Variants in ABTB2 observed in about 807,000 individuals in gnomAD.
ABTB2 encodes ankyrin repeat and BTB domain containing 2.
ABTB2 carries 56 observed loss-of-function variants against 104.1 expected under a neutral mutation model. The observed-to-expected ratio is 0.54, with a 90% confidence interval of 0.43 to 0.67. ABTB2 has a LOEUF of 0.67. ABTB2 is among the 30% of genes least tolerant of loss of function. The pLI is 0.00. For missense variants in ABTB2, 1,279 were observed against 1,407.7 expected (o/e 0.91, Z 1.46); for synonymous variants, 606 against 608.2 (o/e 1.00, Z 0.05).
intron 1 of ABTB2, among the ~76,000 whole-genome samples, chr11:34,328,052 T>C (rs1855091302): frequency 6.6e-6 from 1 of 152,186 alleles, no homozygotes; most frequent in African/African-American, 2.4e-5. Flanking sequence ...CAACTCTGAC[T>C]CTGTCCAACT....
chr11:34,313,677 G>A (rs1278882213), intron 1 of ABTB2, among the ~76,000 whole-genome samples: 5 of 150,694 alleles, frequency 3.3e-5, no homozygotes, highest in Non-Finnish European at 7.4e-5. Flanking sequence ...TGGGAGAGAT[G>A]CCACTGGGAG....
Position 34,154,765 on chromosome 11 carries a change from A to G in ABTB2, c.2702T>C (p.Met901Thr). The change falls in exon 15 of 17, where the codon ATG becomes ACG. Residue 901 changes from methionine (M) to threonine (T), a missense_variant. By Grantham distance (81) the Met-to-Thr change is moderately conservative. Transcript: ENST00000435224. This position sits in a 1 kb window ranked among gnomAD's most constrained non-coding sequence, Gnocchi z 4.9. ...TCCTCCGTAGTACAGATACTGCATC[A>G]TCATCTGTGGTGGGAAGAGGCCCAT... ...SDMKYHIFQMMMQYLYYGGTE... is the reference protein window; with the variant it reads ...SDMKYHIFQMTMQYLYYGGTE... The G allele has an allele frequency of 6.2e-7, 1 of 1,614,092 alleles. No homozygotes were observed. Among genetic ancestry groups the G allele is most frequent in the Admixed American group, 1.7e-5 (1 of 60,018 alleles).
chr11:34,229,566 A>G (rs964080681), intron 1 of ABTB2, among the ~76,000 whole-genome samples: 1 of 152,144 alleles, frequency 6.6e-6, no homozygotes, highest in Non-Finnish European at 1.5e-5. Context: ...TTTCCTTAAA[A>G]CAAGTGCAAC....
intron 11 of ABTB2, among the ~76,000 whole-genome samples, chr11:34,160,659 A>ACGCG (rs548995014): frequency 1.6e-5 from 1 of 63,454 alleles, no homozygotes; most frequent in Non-Finnish European, 2.9e-5. Context: ...GCGAGCGTGC[A>ACGCG]CGCGCGCGCG....
intron 1 of ABTB2, chr11:34,335,744 C>G (rs376620314): frequency 1.4e-6 from 2 of 1,397,170 alleles, no homozygotes; most frequent in African/African-American, 1.4e-5. Context: ...TTCTGTGAAG[C>G]AGTCCCATTG....
At chr11:34,171,359 G>A (rs1432026903) in intron 4 of ABTB2, among the ~76,000 whole-genome samples, 1 of 152,194 alleles carries the variant, frequency 6.6e-6, no homozygotes, top group Non-Finnish European at 1.5e-5. Context: ...TGAATCACTT[G>A]AGGTCAGGAG....
chr11:34,160,149 C>T (rs527301061), intron 12 of ABTB2, 99 bp downstream of exon 12: 162 of 1,320,912 alleles, frequency 1.2e-4, no homozygotes, highest in Middle Eastern at 2.3e-4. Flanking sequence ...GGGGCCTTGG[C>T]GCTTGGAAAT....
At chr11:34,205,707 C>T (rs1207824698) in intron 1 of ABTB2, among the ~76,000 whole-genome samples, 1 of 152,050 alleles carries the variant, frequency 6.6e-6, no homozygotes, top group Admixed American at 6.5e-5. Flanking sequence ...GGGATGTGGC[C>T]AAGTCTGGGT....
chr11:34,320,573 G>A (rs574779926), intron 1 of ABTB2, among the ~76,000 whole-genome samples: 150 of 152,288 alleles, frequency 9.8e-4, no homozygotes, highest in Middle Eastern at 3.4e-3. Flanking sequence ...AAGCAAAGTA[G>A]AACTTGAAAG....
chr11:34,357,235 G>A lies in ABTB2; in HGVS notation c.349C>T (p.Leu117=). 6.7e-7 allele frequency: 1 copy of A among 1,501,762 alleles called. No homozygotes were observed. Among genetic ancestry groups the A allele is most frequent in the African/African-American group, 1.4e-5 (1 of 70,670 alleles). The allele number at this position is 1,501,762 out of a possible 1,614,324, so 93.0% of individuals were successfully genotyped here. A position where few individuals can be genotyped will look rare whatever the true frequency, so the allele number is the denominator to read the frequency against. ...ACCGCCTCGGCGGAGAACTGGGGCA[G>A]CCGCCGGCCGCCAGCGCCTTTGCGG... The part of the protein sequence containing the change: ...VLRKGAGGRR[L]PQFSAEAVRR... The change falls in exon 1 of 17, where the codon CTG becomes TTG. Residue 117 remains leucine, a synonymous_variant. Coordinates refer to ENST00000435224, the MANE Select transcript of ABTB2 (RefSeq NM_145804.3).
At chr11:34,233,312 C>T (rs1853797616) in intron 1 of ABTB2, among the ~76,000 whole-genome samples, 1 of 146,596 alleles carries the variant, frequency 6.8e-6, no homozygotes, top group Non-Finnish European at 1.5e-5. Flanking sequence ...AGGGAAATGG[C>T]ATGATCATGG....
intron 1 of ABTB2, among the ~76,000 whole-genome samples, chr11:34,277,208 A>G (rs1854392223): frequency 6.6e-6 from 1 of 152,174 alleles, no homozygotes; most frequent in African/African-American, 2.4e-5. Context: ...AGCCAGAAGT[A>G]TGTATTTAAA....
chr11:34,204,473 C>A, intron 2 of ABTB2, 71 bp downstream of exon 2: 2 of 1,484,702 alleles, frequency 1.3e-6, no homozygotes, highest in Non-Finnish European at 1.8e-6. Context: ...GGCGAGCTCT[C>A]CCTGCCTTCC....
rs377220875 is a variant in ABTB2 at position 34,248,088 on chromosome 11, A to ATTTTTTTTTTTTTTTTTTTTTTT, written c.884-43399_884-43398insAAAAAAAAAAAAAAAAAAAAAAA. On this transcript the variant is annotated intron_variant, in intron 1 of 16. Coordinates refer to ENST00000435224, the MANE Select transcript of ABTB2 (RefSeq NM_145804.3). ...CAATCATTCAATTTACTTATCTATA[A>ATTTTTTTTTTTTTTTTTTTTTTT]TTTTTCTTAAAAAAAAAAAAAAAAA... Among the ~76,000 whole-genome samples, 26 of 78,374 alleles carry ATTTTTTTTTTTTTTTTTTTTTTT rather than the reference A, an allele frequency of 3.3e-4. 1 individual carries two copies. The highest frequency in any genetic ancestry group is 1.3e-3 in the African/African-American group (18 of 14,082). The allele number at this position is 78,374 out of a possible 152,430, so 51.4% of individuals were successfully genotyped here. A position where few individuals can be genotyped will look rare whatever the true frequency, so the allele number is the denominator to read the frequency against.
At chr11:34,223,715 T>C (rs1427182624) in intron 1 of ABTB2, among the ~76,000 whole-genome samples, 1 of 152,192 alleles carries the variant, frequency 6.6e-6, no homozygotes, top group Non-Finnish European at 1.5e-5. Context: ...ATTACTCAAA[T>C]TGCTGACCCG....
intron 3 of ABTB2, among the ~76,000 whole-genome samples, chr11:34,187,471 G>A (rs368447632): frequency 6.7e-6 from 1 of 149,526 alleles, no homozygotes; most frequent in East Asian, 2.0e-4. Flanking sequence ...CTGTGATGTG[G>A]TCTTCTCGTC....
intron 1 of ABTB2, among the ~76,000 whole-genome samples, chr11:34,227,582 T>C (rs905896409): frequency 5.3e-5 from 8 of 152,272 alleles, no homozygotes; most frequent in African/African-American, 2.4e-5. Flanking sequence ...TATTCAATTA[T>C]TGATGAATAT....
At chr11:34,302,523 G>C (rs1388806362) in intron 1 of ABTB2, among the ~76,000 whole-genome samples, 1 of 152,186 alleles carries the variant, frequency 6.6e-6, no homozygotes, top group Non-Finnish European at 1.5e-5. Flanking sequence ...CCACAGAGGG[G>C]CTCAGGCTGC....
chr11:34,204,939 T>C (rs552384287), intron 1 of ABTB2, among the ~76,000 whole-genome samples: 1 of 152,322 alleles, frequency 6.6e-6, no homozygotes, highest in East Asian at 1.9e-4. Flanking sequence ...TTCTTGGAGG[T>C]ACTCAAGAAA....
Sources: gnomAD v4.1 joint callset for allele counts (sites outside exome capture counted in the v4.1 genomes callset) on GRCh38, gnomAD v4.1.1 for gene constraint, Gnocchi (gnomAD v3.1) non-coding constraint, MANE v1.5 for transcripts, NCBI Gene and HGNC (gene_info 2026-07-23, HGNC 2026-07-21) for gene names.